TOM1L1: variants seen among roughly 807,000 people sequenced by gnomAD.
The protein encoded by TOM1L1 is TOM1-like protein 1.
A neutral mutation model predicts 63.4 loss-of-function variants in TOM1L1; 64 were observed. That is an observed-to-expected ratio of 1.01 (90% CI 0.83 to 1.24). The LOEUF (loss-of-function observed/expected upper bound fraction) is 1.24. Ranked by LOEUF, TOM1L1 falls within the 50% of genes most tolerant of loss-of-function variation. The pLI, the probability that TOM1L1 is intolerant of heterozygous loss-of-function variation, is 0.00. For missense variants in TOM1L1, 536 were observed against 567.0 expected, an observed-to-expected ratio of 0.95 and a Z score of 0.55; for synonymous variants, 166 against 194.4, an observed-to-expected ratio of 0.85 and a Z score of 1.22.
chr17:54,955,984 C>A (rs2049480250), intron 14 of TOM1L1, among the ~76,000 whole-genome samples: 1 of 152,104 alleles, frequency 6.6e-6, no homozygotes, highest in South Asian at 2.1e-4. Flanking sequence ...TGAGTTGGCC[C>A]ACGCATGCTT....
At chr17:54,914,618 T>C in intron 5 of TOM1L1, 21 bp from the exon 6 acceptor site, 5 of 1,588,870 alleles carry the variant, frequency 3.1e-6, no homozygotes, top group Non-Finnish European at 4.3e-6. Context: ...ATAATAATAT[T>C]ACCATGTTTC....
At chr17:54,956,599 G>A (rs574465250) in intron 14 of TOM1L1, among the ~76,000 whole-genome samples, 3 of 151,994 alleles carry the variant, frequency 2.0e-5, no homozygotes, top group African/African-American at 4.8e-5. Context: ...GTAAGCCACC[G>A]TGCCTAGCCT....
Position 54,913,801 on chromosome 17 carries a change from A to T in TOM1L1, c.426A>T (p.Val142=). Reference sequence around the variant, plus strand: ...TGGATGTAAGCGAAGTCAAAGAAGTATACCTCGACCTGGTTAAGAAAGGCG... The same window carrying T: ...TGGATGTAAGCGAAGTCAAAGAAGTTTACCTCGACCTGGTTAAGAAAGGCG... ...GGVDVSEVKE[V]YLDLVKKGVQ... is the part of the protein sequence containing the mutation. Residue 142 remains valine, a synonymous_variant, in exon 5 of 16, where the codon GTA becomes GTT. Transcript: ENST00000575882. 4 of 1,612,642 alleles carry T rather than the reference A, an allele frequency of 2.5e-6. No individual in the cohort carries two copies. Among genetic ancestry groups the T allele is most frequent in the Non-Finnish European group, 3.4e-6 (4 of 1,179,078 alleles).
At chr17:54,930,259 C>T in intron 8 of TOM1L1, 53 bp downstream of exon 8, 1 of 1,607,324 alleles carries the variant, frequency 6.2e-7, no homozygotes, top group Non-Finnish European at 8.5e-7. Context: ...CTTTCACCAC[C>T]AATTACTCAG....
intron 1 of TOM1L1, 92 bp downstream of exon 1, chr17:54,901,015 T>C (rs563718859): frequency 2.5e-5 from 38 of 1,541,838 alleles, no homozygotes; most frequent in Non-Finnish European, 3.2e-5. Context: ...AGGACGGAGT[T>C]AGTCCAACTT....
chr17:54,930,394 G>A (rs897690859), intron 8 of TOM1L1, 188 bp downstream of exon 8: 1 of 650,398 alleles, frequency 1.5e-6, no homozygotes, highest in Non-Finnish European at 2.5e-6. Context: ...AAATGCTAGA[G>A]GTCTTTCTCC....
rs1343974284 is a variant in TOM1L1, at chr17:54,961,281, T to C, written c.*48T>C. The C allele has an allele frequency of 5.2e-6, 8 of 1,551,536 alleles. No homozygotes were observed. In the Admixed American group the frequency reaches 9.8e-5, roughly 19 times the overall value. On this transcript the variant is annotated 3_prime_UTR_variant, in exon 16 of 16. Coordinates refer to ENST00000575882, the MANE Select transcript of TOM1L1 (RefSeq NM_005486.3). The stretch of plus-strand genomic sequence containing the variant: ...ACTACCACATCAAAGGTGCCAACTC[T>C]CTAAAACGTAGACTCTGTGCAGCTT...
chr17:54,959,483 AAAAAAG>A (rs1362791375), intron 14 of TOM1L1: 1 of 152,444 alleles, frequency 6.6e-6, no homozygotes, highest in Admixed American at 6.5e-5. Context: ...CAAAAAAAAG[AAAAAAG>A]AAAAACGAAT....
rs553389649 is a variant in TOM1L1, at chr17:54,946,122, A to T, written c.1131-1139A>T. Reference sequence around the variant, plus strand: ...ACATTTTCAAAGCCTTTGCAGTGCCATTCAAATATGTCTCATGTATGTTCC... The same window carrying T: ...ACATTTTCAAAGCCTTTGCAGTGCCTTTCAAATATGTCTCATGTATGTTCC... On this transcript the variant is annotated intron_variant, in intron 11 of 15. Transcript: ENST00000575882. Among the ~76,000 whole-genome samples, 12 of 152,308 alleles carry T rather than the reference A, an allele frequency of 7.9e-5. No individual in the cohort carries two copies. In the South Asian group the frequency reaches 2.5e-3, roughly 32 times the overall value.
At position 54,900,973 on chromosome 17, in the gene TOM1L1, C is replaced by T. The variant is rs774335756; in HGVS notation, c.58+50C>T. ...CCAGGCAGGCAGGGGACCGTGGGAT[C>T]CTTTCCTGCTTGATCCATTCTCGGC... is the stretch of plus-strand genomic sequence containing the variant. On this transcript the variant is annotated intron_variant, in intron 1 of 15. Transcript: ENST00000575882. 4.3e-6 allele frequency: 7 copies of T among 1,611,088 alleles called. No individual in the cohort carries two copies. In the East Asian group the frequency reaches 1.3e-4, roughly 31 times the overall value.
At chr17:54,942,123 G>A (rs945528080) in intron 11 of TOM1L1, among the ~76,000 whole-genome samples, 2 of 151,910 alleles carry the variant, frequency 1.3e-5, no homozygotes, top group Admixed American at 6.6e-5. Context: ...TTGAGACAGA[G>A]TCTTACTTTG....
chr17:54,920,588 AAAGG>A (rs2048668137), intron 7 of TOM1L1, among the ~76,000 whole-genome samples: 1 of 152,186 alleles, frequency 6.6e-6, no homozygotes, highest in African/African-American at 2.4e-5. Context: ...AGACCCCTCC[AAAGG>A]ACTTTTCCCA....
rs1479180621 is a variant in TOM1L1 at position 54,915,624 on chromosome 17, G to C, written c.604-122G>C. On this transcript the variant is annotated intron_variant, in intron 6 of 15. Transcript: ENST00000575882. ...TATATTTATATGAAATTAAATTTAA[G>C]TTTGAAAATATTAAATTTTGCAAAA... 4 of 553,544 alleles carry C rather than the reference G, an allele frequency of 7.2e-6. No individual in the cohort carries two copies. In the African/African-American group the frequency reaches 7.8e-5, roughly 11 times the overall value. 34.3% of individuals were successfully genotyped at this position (553,544 alleles called of 1,614,324 possible).
rs2049190850 is a variant in TOM1L1, at chr17:54,950,073, TA to T, written c.1319del (p.Asn440IlefsTer5). On this transcript the variant is annotated frameshift_variant, in exon 14 of 16. Transcript: ENST00000575882. LOFTEE classifies it high-confidence loss of function. ...AMTKSDLQPP[N>X]YYEVMEFDPL... ...TGACAAAAAGTGATCTCCAGCCACC[TA>T]ATTACTACGAGGTAATGGAGTTTGA... The T allele has an allele frequency of 6.2e-7, 1 of 1,614,062 alleles. No individual in the cohort carries two copies. The highest frequency in any genetic ancestry group is 8.5e-7 in the Non-Finnish European group (1 of 1,179,944).
chr17:54,936,628 G>A (rs1325406408), intron 8 of TOM1L1, 21 bp from the exon 9 acceptor site: 2 of 1,576,082 alleles, frequency 1.3e-6, no homozygotes, highest in Admixed American at 2.1e-5. Flanking sequence ...AAAAACACAT[G>A]CATTTTGATC....
chr17:54,912,493 A>T (rs999084055), intron 3 of TOM1L1, among the ~76,000 whole-genome samples, 173 bp from the exon 4 acceptor site: 2 of 152,188 alleles, frequency 1.3e-5, no homozygotes, highest in Admixed American at 1.3e-4. Context: ...CATTATGCTC[A>T]TACTTCCACA....
At chr17:54,910,215 G>A (rs924268001) in intron 3 of TOM1L1, among the ~76,000 whole-genome samples, 2 of 152,184 alleles carry the variant, frequency 1.3e-5, no homozygotes, top group Non-Finnish European at 2.9e-5. Flanking sequence ...CAGCACTTTG[G>A]GAGGCCGGGG....
At chr17:54,934,017 G>T (rs911000768) in intron 8 of TOM1L1, among the ~76,000 whole-genome samples, 1 of 152,200 alleles carries the variant, frequency 6.6e-6, no homozygotes, top group Non-Finnish European at 1.5e-5. Flanking sequence ...CACAATTTAC[G>T]TGTGAGAAGG....
chr17:54,936,946 T>C lies in TOM1L1; in HGVS notation c.916-163T>C, dbSNP rs551031277. 4.6e-5 allele frequency among the ~76,000 whole-genome samples: 7 copies of C among 152,318 alleles called. No individual in the cohort carries two copies. In the East Asian group the frequency reaches 1.2e-3, roughly 25 times the overall value. ...GTTATTAATAAGAAGCAGGAACCTA[T>C]GTAGGTGGTAAGATGGGATTCATAC... On this transcript the variant is annotated intron_variant, in intron 9 of 15. Transcript: ENST00000575882.
Sources: gnomAD v4.1 joint callset for allele counts (sites outside exome capture counted in the v4.1 genomes callset) on GRCh38, gnomAD v4.1.1 for gene constraint, MANE v1.5 for transcripts, NCBI Gene and HGNC (gene_info 2026-07-23, HGNC 2026-07-21) for gene names.